MCTP2: variants seen among roughly 807,000 people sequenced by gnomAD.
The protein encoded by MCTP2 is multiple C2 and transmembrane domain containing 2.
In MCTP2, 132 loss-of-function variants were observed where a neutral mutation model predicts 111.6. The observed-to-expected ratio is 1.18, with a 90% confidence interval of 1.03 to 1.37. The LOEUF is 1.37. Ranked by LOEUF, MCTP2 falls within the 40% of genes most tolerant of loss-of-function variation. The pLI is 0.00. For missense variants in MCTP2, 1,183 were observed against 1,067.9 expected (o/e 1.11, Z -1.50); for synonymous variants, 395 against 387.7 (o/e 1.02, Z -0.22).
chr15:94,421,341 C>T (rs143356577), intron 17 of MCTP2, among the ~76,000 whole-genome samples: 352 of 152,240 alleles, frequency 2.3e-3, no homozygotes, highest in African/African-American at 8.2e-3. Flanking sequence ...CTCACAAGAT[C>T]TCAGATGCAT....
intron 1 of MCTP2, among the ~76,000 whole-genome samples, chr15:94,274,902 T>G (rs913170944): frequency 7.2e-5 from 11 of 152,186 alleles, no homozygotes; most frequent in African/African-American, 2.7e-4. Context: ...CTACACTCTT[T>G]CATGAACATA....
chr15:94,375,055 C>G (rs911460576), intron 12 of MCTP2, among the ~76,000 whole-genome samples: 1 of 152,124 alleles, frequency 6.6e-6, no homozygotes, highest in Non-Finnish European at 1.5e-5. Flanking sequence ...GCAGGCCGTA[C>G]AAGAAGCATG....
At chr15:94,316,137 C>T (rs117772465) in intron 4 of MCTP2, among the ~76,000 whole-genome samples, 1 of 152,174 alleles carries the variant, frequency 6.6e-6, no homozygotes, top group Non-Finnish European at 1.5e-5. Context: ...GCCATAAATA[C>T]ATACCTGTAT....
intron 19 of MCTP2, 74 bp from the exon 20 acceptor site, chr15:94,458,061 CAT>C (rs974448864): frequency 2.2e-5 from 18 of 800,352 alleles, no homozygotes; most frequent in African/African-American, 1.7e-4. Flanking sequence ...GTTATTATAA[CAT>C]GTTATAATAT....
At chr15:94,449,637 A>G (rs1268048381) in intron 19 of MCTP2, among the ~76,000 whole-genome samples, 1 of 152,216 alleles carries the variant, frequency 6.6e-6, no homozygotes, top group Non-Finnish European at 1.5e-5. Context: ...AAGGTTTGTA[A>G]TGTTGTTGTA....
intron 17 of MCTP2, among the ~76,000 whole-genome samples, chr15:94,429,390 T>C (rs906705156): frequency 1.3e-5 from 2 of 152,244 alleles, no homozygotes; most frequent in African/African-American, 2.4e-5. Flanking sequence ...CAAAGAGTTA[T>C]GTCTCCTGTC....
intron 1 of MCTP2, among the ~76,000 whole-genome samples, chr15:94,297,118 C>T (rs1242783107): frequency 1.3e-5 from 2 of 152,186 alleles, no homozygotes; most frequent in Non-Finnish European, 2.9e-5. Flanking sequence ...ACAAACAGGC[C>T]AGGTCTCAGT....
intron 4 of MCTP2, among the ~76,000 whole-genome samples, chr15:94,321,761 T>TC (rs2076640883): frequency 6.6e-6 from 1 of 152,104 alleles, no homozygotes; most frequent in South Asian, 2.1e-4. Flanking sequence ...ACTTTTGAAT[T>TC]CCCCAAAACA....
At chr15:94,467,916 T>C (rs929468204) in intron 20 of MCTP2, among the ~76,000 whole-genome samples, 1 of 152,108 alleles carries the variant, frequency 6.6e-6, no homozygotes, top group East Asian at 1.9e-4. Flanking sequence ...ATAACAAAGA[T>C]AGCATAATAA....
At chr15:94,431,757 A>G (rs2083195651) in intron 17 of MCTP2, among the ~76,000 whole-genome samples, 1 of 152,186 alleles carries the variant, frequency 6.6e-6, no homozygotes, top group South Asian at 2.1e-4. Flanking sequence ...TGTTTATTCT[A>G]AAATAATCAT....
chr15:94,379,533 GTA>G (rs1221944877), intron 12 of MCTP2, among the ~76,000 whole-genome samples: 1 of 151,702 alleles, frequency 6.6e-6, no homozygotes. Flanking sequence ...TCTACCCCTT[GTA>G]TTGTATTGAC....
chr15:94,402,428 T>G, intron 17 of MCTP2: 1 of 1,537,626 alleles, frequency 6.5e-7, no homozygotes, highest in Admixed American at 2.1e-5. Context: ...TTAAAGATGT[T>G]TATTCATTTC....
intron 14 of MCTP2, among the ~76,000 whole-genome samples, chr15:94,394,562 G>A (rs1049709463): frequency 4.6e-5 from 7 of 152,004 alleles, no homozygotes; most frequent in African/African-American, 1.4e-4. Flanking sequence ...TCAGGAGATC[G>A]AGACCATCCT....
intron 1 of MCTP2, among the ~76,000 whole-genome samples, chr15:94,291,163 A>G (rs2075012055): frequency 6.6e-6 from 1 of 152,268 alleles, no homozygotes; most frequent in South Asian, 2.1e-4. Context: ...AAAGAAAGTC[A>G]TAAAGAGAAT....
chr15:94,477,256 C>A (rs1312555701), intron 22 of MCTP2, among the ~76,000 whole-genome samples: 1 of 152,142 alleles, frequency 6.6e-6, no homozygotes, highest in African/African-American at 2.4e-5. Flanking sequence ...ATCGTCTTCC[C>A]TCTGAAGACT....
chr15:94,402,211 C>T, intron 17 of MCTP2, 192 bp downstream of exon 17: 1 of 888,780 alleles, frequency 1.1e-6, no homozygotes, highest in Non-Finnish European at 1.3e-6. Context: ...AATTTAAGAG[C>T]ACTACTGTTG....
chr15:94,345,679 C>A (rs1030765328), intron 8 of MCTP2, among the ~76,000 whole-genome samples: 3 of 152,260 alleles, frequency 2.0e-5, no homozygotes, highest in Admixed American at 2.0e-4. Context: ...AGCAATTATA[C>A]ATTTCTGTCT....
chr15:94,326,813 G>GCC (rs1358678233), intron 4 of MCTP2, among the ~76,000 whole-genome samples: 555 of 39,004 alleles, frequency 0.014, 4 homozygotes, highest in African/African-American at 0.028. Context: ...GGTGATCCCC[G>GCC]CCCCACCCCC....
At chr15:94,431,882 A>G (rs1302811603) in intron 17 of MCTP2, among the ~76,000 whole-genome samples, 1 of 152,144 alleles carries the variant, frequency 6.6e-6, no homozygotes, top group Non-Finnish European at 1.5e-5. Flanking sequence ...TATCTTTATT[A>G]TGACAAATGA....
Sources: allele counts gnomAD v4.1 joint callset (sites outside exome capture counted in the v4.1 genomes callset), GRCh38; gene constraint gnomAD v4.1.1; transcripts MANE v1.5; gene names NCBI Gene and HGNC (gene_info 2026-07-23, HGNC 2026-07-21).